SLC1A7: variants seen among roughly 807,000 people sequenced by gnomAD.
SLC1A7 encodes the protein solute carrier family 1 member 7, also known as excitatory amino acid transporter 5.
Under a neutral mutation model 47.7 loss-of-function variants are expected in SLC1A7, and 40 were observed. The observed-to-expected ratio is 0.84, with a 90% CI of 0.65 to 1.09. SLC1A7 has a LOEUF of 1.09. SLC1A7 is among the 50% of genes least tolerant of loss of function. The probability of loss-of-function intolerance (pLI) is 0.00; values close to 1 mark genes in which losing one functional copy is unlikely to be tolerated. For synonymous variants in SLC1A7, 323 were observed against 325.6 expected (o/e 0.99, Z 0.09); for missense variants, 746 against 769.5 (o/e 0.97, Z 0.36).
intron 6 of SLC1A7, 37 bp downstream of exon 6, chr1:53,093,424 G>A (rs1229026391): frequency 6.7e-7 from 1 of 1,482,620 alleles, no homozygotes; most frequent in East Asian, 2.3e-5. Flanking sequence ...TCCACCCAGG[G>A]CTGGCCGGGG....
At chr1:53,122,442 C>A (rs1023387414) in intron 2 of SLC1A7, among the ~76,000 whole-genome samples, 1 of 152,186 alleles carries the variant, frequency 6.6e-6, no homozygotes, top group Non-Finnish European at 1.5e-5. Context: ...CGGGGGTCTG[C>A]GGGCAAGAGG....
In SLC1A7 at chr1:53,142,334, G is replaced by A; in HGVS notation, c.116C>T (p.Thr39Ile). The A allele has an allele frequency of 2.6e-6, 4 of 1,565,992 alleles. No homozygotes were observed. Among genetic ancestry groups the A allele is most frequent in the Non-Finnish European group, 3.5e-6 (4 of 1,154,632 alleles). The change falls in exon 1 of 11, where the codon ACC becomes ATC. Residue 39 changes from threonine (T) to isoleucine (I), a missense_variant. Thr to Ile is a moderately conservative substitution (Grantham distance 89, BLOSUM62 -1). Coordinates refer to ENST00000371494, the MANE Select transcript of SLC1A7 (RefSeq NM_006671.6). The part of the protein sequence containing the change: ...VGCLLGFFLR[T>I]RRLSPQEISY... ...GCTGACCTGTGGTGAGAGGCGCCGG[G>A]TCCTCAAGAAGAAGCCGAGGAGGCA...
intron 4 of SLC1A7, 153 bp from the exon 5 acceptor site, chr1:53,103,721 G>C: frequency 3.6e-6 from 2 of 551,706 alleles, no homozygotes. Context: ...AGCAGGGATT[G>C]CTATCAATAT....
At chr1:53,104,118 G>A (rs1465489087) in intron 4 of SLC1A7, among the ~76,000 whole-genome samples, 3 of 152,120 alleles carry the variant, frequency 2.0e-5, no homozygotes, top group Non-Finnish European at 1.5e-5. Context: ...CATCCCTCAG[G>A]TACTGGGAGC....
rs766095423 is a variant in SLC1A7, at chr1:53,090,824, G to T, written c.1032-18C>A. The stretch of plus-strand genomic sequence containing the variant: ...TGGCTGAGCTACGGTTAGAGGGGCC[G>T]GTGTCTGCCCAGCACCCTCCTCCAG... On this transcript the variant is annotated intron_variant, in intron 7 of 10. Coordinates refer to ENST00000371494, the MANE Select transcript of SLC1A7 (RefSeq NM_006671.6). The T allele has an allele frequency of 1.3e-6, 2 of 1,595,772 alleles. No individual in the cohort carries two copies. The highest frequency in any genetic ancestry group is 1.7e-6 in the Non-Finnish European group (2 of 1,171,236).
chr1:53,098,082 C>T (rs35631635), intron 5 of SLC1A7, among the ~76,000 whole-genome samples: 19,930 of 151,232 alleles, frequency 0.13, 1,458 homozygotes, highest in Middle Eastern at 0.17. Flanking sequence ...TACACTCACA[C>T]ACCCTACCTT....
At chr1:53,125,604 G>T (rs1644873782) in intron 2 of SLC1A7, among the ~76,000 whole-genome samples, 1 of 152,164 alleles carries the variant, frequency 6.6e-6, no homozygotes, top group African/African-American at 2.4e-5. Context: ...GGGAATTGGG[G>T]CTCAACTCCC....
intron 1 of SLC1A7, among the ~76,000 whole-genome samples, chr1:53,139,246 C>A (rs1645031928): frequency 6.6e-6 from 1 of 152,136 alleles, no homozygotes; most frequent in African/African-American, 2.4e-5. Context: ...TCCTTTATAG[C>A]AGAATTTAGA....
Position 53,114,768 on chromosome 1 carries a change from C to T in SLC1A7, c.421G>A (p.Asp141Asn). The change falls in exon 3 of 11, where the codon GAC (aspartate) becomes AAC (asparagine). Residue 141 changes from aspartate to asparagine, a missense_variant. Transcript: ENST00000371494. ...GGTGGCAATAGTTACCGGATGAGGTCCAACAGGGCATCGGCTGAGCTCATG... is the reference window on the plus strand; with the variant it reads ...GGTGGCAATAGTTACCGGATGAGGTTCAACAGGGCATCGGCTGAGCTCATG... ...PIMSSADALL[D>N]LIRNMFPANL... 1 of 1,613,884 alleles carries T rather than the reference C, an allele frequency of 6.2e-7. No homozygotes were observed. The highest frequency in any genetic ancestry group is 1.1e-5 in the South Asian group (1 of 91,056).
intron 2 of SLC1A7, among the ~76,000 whole-genome samples, chr1:53,119,915 T>C (rs1306855103): frequency 6.6e-6 from 1 of 151,678 alleles, no homozygotes; most frequent in Non-Finnish European, 1.5e-5. Context: ...ACCACCTCTC[T>C]CCCACACCAC....
chr1:53,099,297 C>T lies in SLC1A7; in HGVS notation c.697+4049G>A, dbSNP rs868785642. ...ACCGTCTCGGTACACACACATACCC[C>T]GCCTTGATAGACTGACACACACCAC... On this transcript the variant is annotated intron_variant, in intron 5 of 10. Transcript: ENST00000371494. 5.9e-3 allele frequency among the ~76,000 whole-genome samples: 15 copies of T among 2,556 alleles called. No homozygotes were observed. In the South Asian group the frequency reaches 0.067, roughly 11 times the overall value. 1.7% of individuals were successfully genotyped at this position (2,556 alleles called of 152,430 possible).
chr1:53,090,044 G>A, intron 8 of SLC1A7, 110 bp from the exon 9 acceptor site: 2 of 1,177,534 alleles, frequency 1.7e-6, no homozygotes, highest in Admixed American at 1.9e-5. Flanking sequence ...CAGCCATTTG[G>A]TGCGGGGGGT....
rs758849847 is a variant in SLC1A7 at position 53,092,675 on chromosome 1, G to T, written c.910C>A (p.Leu304Met). The stretch of plus-strand genomic sequence containing the variant: ...AGGATAAAGAGCCCGTGGAGCACCA[G>T]CCCGCACACCACGGTGACTGAGTAG... ...GFYSVTVVCG[L>M]VLHGLFILPL... Residue 304 changes from leucine (L) to methionine (M), a missense_variant, in exon 7 of 11, where the codon CTG becomes ATG. Leu to Met is a conservative substitution (Grantham distance 15, BLOSUM62 2). Coordinates refer to ENST00000371494, the MANE Select transcript of SLC1A7 (RefSeq NM_006671.6). 4 of 1,614,058 alleles carry T rather than the reference G, an allele frequency of 2.5e-6. No individual in the cohort carries two copies. In the South Asian group the frequency reaches 4.4e-5, roughly 18 times the overall value.
chr1:53,122,581 C>T (rs1447262443), intron 2 of SLC1A7, among the ~76,000 whole-genome samples: 4 of 152,204 alleles, frequency 2.6e-5, no homozygotes, highest in Non-Finnish European at 5.9e-5. Context: ...CCAGACGGCT[C>T]TGCCAAAGCC....
intron 1 of SLC1A7, among the ~76,000 whole-genome samples, chr1:53,136,921 C>A (rs1645006742): frequency 6.6e-6 from 1 of 151,928 alleles, no homozygotes. Flanking sequence ...CCCAGCTAGG[C>A]CTCCCAAAGT....
chr1:53,112,007 G>T lies in SLC1A7; in HGVS notation c.431+2751C>A, dbSNP rs372143003. 4.6e-5 allele frequency among the ~76,000 whole-genome samples: 7 copies of T among 152,334 alleles called. No individual in the cohort carries two copies. The East Asian group carries it at 1.3e-3, about 29-fold the overall frequency. Reference sequence around the variant, plus strand: ...CTGAAGATCTTCCTGGAGAAATGAAGGGAGTGGTAGACTGATTGCATCGAT... The same window carrying T: ...CTGAAGATCTTCCTGGAGAAATGAATGGAGTGGTAGACTGATTGCATCGAT... On this transcript the variant is annotated intron_variant, in intron 3 of 10. Transcript: ENST00000371494.
intron 5 of SLC1A7, among the ~76,000 whole-genome samples, chr1:53,096,535 G>GT (rs1644493322): frequency 7.0e-6 from 1 of 143,352 alleles, no homozygotes; most frequent in African/African-American, 2.6e-5. Flanking sequence ...CCCCAGCTCA[G>GT]TACACTCACA....
chr1:53,093,756 C>T (rs563320856), intron 5 of SLC1A7, among the ~76,000 whole-genome samples, 196 bp from the exon 6 acceptor site: 1 of 150,010 alleles, frequency 6.7e-6, no homozygotes, highest in Admixed American at 6.7e-5. Flanking sequence ...TCTCACCTTC[C>T]TCCACGCAGC....
At chr1:53,101,470 G>A (rs764043578) in intron 5 of SLC1A7, among the ~76,000 whole-genome samples, 5 of 142,934 alleles carry the variant, frequency 3.5e-5, no homozygotes, top group Non-Finnish European at 7.6e-5. Flanking sequence ...ACACCACCTC[G>A]AAACACCCAC....
Sources: gnomAD v4.1 joint callset for allele counts (sites outside exome capture counted in the v4.1 genomes callset) on GRCh38, gnomAD v4.1.1 for gene constraint, MANE v1.5 for transcripts, NCBI Gene and HGNC (gene_info 2026-07-23, HGNC 2026-07-21) for gene names.